RLF: variants seen among roughly 807,000 people sequenced by gnomAD.
RLF encodes RLF zinc finger, also known as zinc finger protein Rlf.
In RLF, 7 loss-of-function variants were observed where a neutral mutation model predicts 162.9. That is an observed-to-expected ratio of 0.04 (90% confidence interval 0.02 to 0.08). The LOEUF (loss-of-function observed/expected upper bound fraction) is 0.08. Ranked by LOEUF, RLF falls within the 10% of genes least tolerant of loss-of-function variation. The pLI is 1.00. For missense variants in RLF, 1,664 were observed against 2,244.7 expected, an observed-to-expected ratio of 0.74 and a Z score of 5.23; for synonymous variants, 782 against 791.5, an observed-to-expected ratio of 0.99 and a Z score of 0.20.
intron 7 of RLF, among the ~76,000 whole-genome samples, chr1:40,234,815 G>A (rs1643196823): frequency 1.3e-5 from 2 of 152,146 alleles, no homozygotes; most frequent in Admixed American, 1.3e-4. Context: ...GATAAAAAGA[G>A]TTATCTTGTA....
chr1:40,174,302 C>T (rs866958665), intron 1 of RLF, among the ~76,000 whole-genome samples: 1 of 151,506 alleles, frequency 6.6e-6, no homozygotes, highest in Admixed American at 6.6e-5. Context: ...ACCCTGGTGA[C>T]AGAGGTGGCA....
Position 40,169,984 on chromosome 1 carries a change from G to A in RLF, c.237+8348G>A, listed in dbSNP as rs143852525. Among the ~76,000 whole-genome samples the A allele has an allele frequency of 4.9e-3, 740 of 151,938 alleles. 7 individuals are homozygous for A. Among genetic ancestry groups the A allele is most frequent in the African/African-American group, 0.017 (693 of 41,478 alleles). On this transcript the variant is annotated intron_variant, in intron 1 of 7. Transcript: ENST00000372771. ...GGATTACAGGCGTGAGCCACCACAC[G>A]TGGCCATGGGATAAACATTTTAAAT... is the stretch of plus-strand genomic sequence containing the variant.
intron 1 of RLF, among the ~76,000 whole-genome samples, chr1:40,163,776 A>C (rs1414709053): frequency 1.3e-5 from 2 of 152,210 alleles, no homozygotes; most frequent in Non-Finnish European, 2.9e-5. Flanking sequence ...CCATGTCTGC[A>C]AAACTATCTT....
chr1:40,218,528 G>C (rs1014772995), intron 5 of RLF, among the ~76,000 whole-genome samples: 112 of 152,212 alleles, frequency 7.4e-4, no homozygotes, highest in East Asian at 2.3e-3. Context: ...CGTTACATCA[G>C]ATAACCTTTT....
intron 1 of RLF, among the ~76,000 whole-genome samples, chr1:40,171,286 C>A (rs770586905): frequency 6.6e-6 from 1 of 152,150 alleles, no homozygotes; most frequent in Non-Finnish European, 1.5e-5. Context: ...ACCTCAGCCT[C>A]CCAAGGCACT....
At chr1:40,175,205 T>TGGG (rs372376297) in intron 1 of RLF, among the ~76,000 whole-genome samples, 3 of 39,956 alleles carry the variant, frequency 7.5e-5, no homozygotes, top group Non-Finnish European at 1.2e-4. Flanking sequence ...ATGGTGGGGG[T>TGGG]GGGGGGGGGA....
chr1:40,190,957 T>C, intron 3 of RLF, 104 bp downstream of exon 3: 1 of 588,000 alleles, frequency 1.7e-6, no homozygotes. Flanking sequence ...AAGTTTATTA[T>C]ATATTGATAT....
chr1:40,213,425 C>G lies in RLF; in HGVS notation c.811-9149C>G, dbSNP rs1249391972. 2.0e-5 allele frequency among the ~76,000 whole-genome samples: 3 copies of G among 152,152 alleles called. 1 individual carries two copies. Among genetic ancestry groups the G allele is most frequent in the African/African-American group, 7.2e-5 (3 of 41,442 alleles). On this transcript the variant is annotated intron_variant, in intron 5 of 7. Transcript: ENST00000372771. The stretch of plus-strand genomic sequence containing the variant: ...GGGTTTAAATGGAAGCATTGGTGAC[C>G]ATTTATTTCTTTAAGAAATATACAA...
intron 1 of RLF, among the ~76,000 whole-genome samples, chr1:40,183,024 A>T (rs556198623): frequency 1.3e-5 from 2 of 152,044 alleles, no homozygotes; most frequent in East Asian, 3.9e-4. Context: ...GTGCTTCCTC[A>T]TGCTGACATT....
At chr1:40,221,917 A>AAAAAAAAAAGAG (rs1486982312) in intron 5 of RLF, among the ~76,000 whole-genome samples, 29 of 150,358 alleles carry the variant, frequency 1.9e-4, no homozygotes, top group African/African-American at 6.7e-4. Flanking sequence ...AAAAAAAAAA[A>AAAAAAAAAAGAG]AGAGAAAGGA....
At chr1:40,187,309 C>T (rs1022924849) in intron 1 of RLF, among the ~76,000 whole-genome samples, 3 of 152,140 alleles carry the variant, frequency 2.0e-5, no homozygotes, top group Non-Finnish European at 2.9e-5. Context: ...GGATTACAGG[C>T]GTGAGCCACA....
rs1419666612 is a variant in RLF, at chr1:40,239,126, A to T, written c.4424A>T (p.Asp1475Val). The T allele has an allele frequency of 6.2e-7, 1 of 1,614,138 alleles. No individual in the cohort carries two copies. Among genetic ancestry groups the T allele is most frequent in the Admixed American group, 1.7e-5 (1 of 60,020 alleles). ...VYYRHKDYYD[D>V]LFRSQKVANE... The stretch of plus-strand genomic sequence containing the variant: ...TACCGACATAAAGACTATTATGATG[A>T]TTTGTTTAGAAGCCAGAAAGTAGCA... The change falls in exon 8 of 8, where the codon GAT becomes GTT. Residue 1475 changes from aspartate to valine, a missense_variant. Transcript: ENST00000372771.
At chr1:40,181,347 T>C (rs147554189) in intron 1 of RLF, among the ~76,000 whole-genome samples, 1 of 152,154 alleles carries the variant, frequency 6.6e-6, no homozygotes, top group Non-Finnish European at 1.5e-5. Flanking sequence ...GGAGAATCGC[T>C]TGAACCTGGG....
At chr1:40,179,681 T>TCCAC (rs942979926) in intron 1 of RLF, among the ~76,000 whole-genome samples, 8 of 152,024 alleles carry the variant, frequency 5.3e-5, no homozygotes, top group African/African-American at 1.9e-4. Context: ...CCTCCATCCA[T>TCCAC]CCATCCATCT....
Position 40,239,600 on chromosome 1 carries a change from G to A in RLF, c.4898G>A (p.Ser1633Asn), listed in dbSNP as rs770167109. 1 of 1,614,150 alleles carries A rather than the reference G, an allele frequency of 6.2e-7. No individual in the cohort carries two copies. The highest frequency in any genetic ancestry group is 8.5e-7 in the Non-Finnish European group (1 of 1,180,008). Reference protein sequence around the residue: ...TEHSHSPGDSSAPIQNTDCCH... With the variant: ...TEHSHSPGDSNAPIQNTDCCH... ...CACAGCCATTCCCCGGGTGACAGTA[G>A]TGCACCCATCCAGAACACTGATTGC... The change falls in exon 8 of 8, where the codon AGT becomes AAT. Residue 1633 changes from serine to asparagine, a missense_variant. This residue lies in a region of RLF where 327 missense variants were observed against 342.7 expected (regional missense o/e 0.95). Transcript: ENST00000372771.
intron 3 of RLF, among the ~76,000 whole-genome samples, chr1:40,191,143 A>G (rs925151391): frequency 1.3e-5 from 2 of 152,240 alleles, no homozygotes; most frequent in African/African-American, 4.8e-5. Flanking sequence ...TTATAAAGTA[A>G]CAGTATTTGG....
chr1:40,209,329 A>G (rs1173758063), intron 5 of RLF, among the ~76,000 whole-genome samples: 2 of 152,362 alleles, frequency 1.3e-5, no homozygotes, highest in East Asian at 1.9e-4. Context: ...AGTAGGCACA[A>G]CAGTAGTAGC....
In RLF at chr1:40,161,656, G is replaced by A; in HGVS notation, c.237+20G>A. 1.2e-6 allele frequency: 2 copies of A among 1,606,140 alleles called. No individual in the cohort carries two copies. The highest frequency in any genetic ancestry group is 8.5e-7 in the Non-Finnish European group (1 of 1,177,444). On this transcript the variant is annotated intron_variant, in intron 1 of 7. Coordinates refer to ENST00000372771, the MANE Select transcript of RLF (RefSeq NM_012421.4). This position sits in a 1 kb window ranked among gnomAD's most constrained non-coding sequence, Gnocchi z 4.4. Reference sequence around the variant, plus strand: ...TGCCAGGTGAGGGGCTGACTGGCTGGCTGAGGGCGGCGGGGCGGGGAAGTC... The same window carrying A: ...TGCCAGGTGAGGGGCTGACTGGCTGACTGAGGGCGGCGGGGCGGGGAAGTC...
At chr1:40,189,999 A>T (rs1404823726) in intron 2 of RLF, among the ~76,000 whole-genome samples, 2 of 151,708 alleles carry the variant, frequency 1.3e-5, no homozygotes, top group African/African-American at 2.4e-5. Flanking sequence ...GGTTTATTTT[A>T]TTTTTTTTCT....
Sources: allele counts gnomAD v4.1 joint callset (sites outside exome capture counted in the v4.1 genomes callset), GRCh38; gene constraint gnomAD v4.1.1; regional missense constraint gnomAD v4.1.1; non-coding constraint Gnocchi (gnomAD v3.1); transcripts MANE v1.5; gene names NCBI Gene and HGNC (gene_info 2026-07-23, HGNC 2026-07-21).